KDM4C: variants seen among roughly 807,000 people sequenced by gnomAD.
The protein encoded by KDM4C is lysine-specific demethylase 4C.
Under a neutral mutation model 129.3 loss-of-function variants are expected in KDM4C, and 81 were observed. The observed-to-expected ratio is 0.63, with a 90% CI of 0.52 to 0.75. The LOEUF (loss-of-function observed/expected upper bound fraction) is 0.75, where lower values mean the gene tolerates loss of function less well. Among genes scored for constraint, KDM4C ranks in the 30% least tolerant of loss-of-function variants. KDM4C has a pLI of 0.00. For synonymous variants in KDM4C, 573 were observed against 456.1 expected (o/e 1.26, Z -3.26); for missense variants, 1,457 against 1,304.0 (o/e 1.12, Z -1.81).
chr9:7,008,978 T>A (rs1036170453), intron 12 of KDM4C, among the ~76,000 whole-genome samples: 2 of 152,118 alleles, frequency 1.3e-5, no homozygotes, highest in African/African-American at 4.8e-5. Context: ...GTCACAAGAA[T>A]CATGAATAAT....
At chr9:6,894,809 C>T (rs182578745) in intron 8 of KDM4C, among the ~76,000 whole-genome samples, 41 of 152,298 alleles carry the variant, frequency 2.7e-4, no homozygotes, top group Admixed American at 2.6e-3. Flanking sequence ...AAGTGTTGCA[C>T]TGTGGTGGAG....
At chr9:7,030,411 C>T (rs913978956) in intron 15 of KDM4C, among the ~76,000 whole-genome samples, 9 of 151,804 alleles carry the variant, frequency 5.9e-5, no homozygotes, top group Non-Finnish European at 2.9e-5. Context: ...TACTTTTGTC[C>T]AACCCATAGA....
intron 19 of KDM4C, among the ~76,000 whole-genome samples, chr9:7,151,416 G>A (rs1842715091): frequency 6.6e-6 from 1 of 152,068 alleles, no homozygotes; most frequent in African/African-American, 2.4e-5. Context: ...ACAAGGCCAG[G>A]CGTGCTGGCT....
chr9:6,761,340 T>C (rs914230226), intron 1 of KDM4C, among the ~76,000 whole-genome samples: 1 of 146,168 alleles, frequency 6.8e-6, no homozygotes, highest in Non-Finnish European at 1.5e-5. Flanking sequence ...CATCCTGTTC[T>C]TTTTTTTTTT....
intron 15 of KDM4C, among the ~76,000 whole-genome samples, chr9:7,020,693 G>GT (rs145210885): frequency 0.041 from 6,296 of 152,076 alleles, 164 homozygotes; most frequent in East Asian, 0.1. Flanking sequence ...TTGGTATGTT[G>GT]TAAGTGTATA....
chr9:7,047,155 C>T (rs1186272038), intron 16 of KDM4C, among the ~76,000 whole-genome samples: 4 of 151,934 alleles, frequency 2.6e-5, no homozygotes, highest in African/African-American at 9.7e-5. Context: ...TGAAAAATAA[C>T]CCCTCTTTTA....
At chr9:6,807,431 A>G (rs1441645200) in intron 3 of KDM4C, among the ~76,000 whole-genome samples, 2 of 134,406 alleles carry the variant, frequency 1.5e-5, no homozygotes, top group Non-Finnish European at 3.2e-5. Flanking sequence ...CCATCTAGGA[A>G]GTGAGGAGCG....
intron 1 of KDM4C, among the ~76,000 whole-genome samples, chr9:6,792,562 T>C (rs937309067): frequency 1.3e-5 from 2 of 151,936 alleles, no homozygotes; most frequent in Admixed American, 6.6e-5. Context: ...CTAAGTTTTG[T>C]ATTTTTAGTA....
At position 6,874,008 on chromosome 9, in the gene KDM4C, A is replaced by G. The variant is rs189423457; in HGVS notation, c.630-6004A>G. On this transcript the variant is annotated intron_variant, in intron 5 of 21. Coordinates refer to ENST00000381309, the MANE Select transcript of KDM4C (RefSeq NM_015061.6). The stretch of plus-strand genomic sequence containing the variant: ...CCGACGGAGCAGTCAGAACACACAC[A>G]TTTATTATGTTCACGCTCTTATGTG... Among the ~76,000 whole-genome samples the G allele has an allele frequency of 7.4e-4, 113 of 152,214 alleles. 2 individuals are homozygous for G. The East Asian group carries it at 0.015, about 21-fold the overall frequency.
intron 7 of KDM4C, among the ~76,000 whole-genome samples, chr9:6,892,091 T>C (rs1171465194): frequency 6.6e-6 from 1 of 152,190 alleles, no homozygotes. Flanking sequence ...GCTAAATACT[T>C]TGGCAATATG....
At chr9:7,063,584 T>G (rs79847755) in intron 17 of KDM4C, among the ~76,000 whole-genome samples, 7 of 152,366 alleles carry the variant, frequency 4.6e-5, no homozygotes, top group African/African-American at 1.7e-4. Context: ...ACTTGCTTTC[T>G]GGTCTTAACG....
chr9:6,832,032 A>G (rs1034744670), intron 4 of KDM4C, among the ~76,000 whole-genome samples: 1 of 152,178 alleles, frequency 6.6e-6, no homozygotes, highest in African/African-American at 2.4e-5. Context: ...ACTGTATTAT[A>G]TACAGTTTAA....
chr9:6,788,551 T>C (rs1825919919), intron 1 of KDM4C, among the ~76,000 whole-genome samples: 1 of 152,258 alleles, frequency 6.6e-6, no homozygotes, highest in African/African-American at 2.4e-5. Flanking sequence ...GACTACTGCT[T>C]TCCTTTTCCT....
In KDM4C at chr9:7,090,762, T is replaced by A. The variant is rs1587579148; in HGVS notation, c.2425-12923T>A. Among the ~76,000 whole-genome samples, 5 of 152,360 alleles carry A rather than the reference T, an allele frequency of 3.3e-5. No homozygotes were observed. The South Asian group carries it at 1.0e-3, about 32-fold the overall frequency. Reference sequence around the variant, plus strand: ...CTCAGCAGGTATAGTTTTCTAGGCATGTTTATCTTTGACTCACGTTGTAAG... The same window carrying A: ...CTCAGCAGGTATAGTTTTCTAGGCAAGTTTATCTTTGACTCACGTTGTAAG... On this transcript the variant is annotated intron_variant, in intron 17 of 21. Transcript: ENST00000381309.
rs1010321745 is a variant in KDM4C at position 6,986,534 on chromosome 9, A to T, written c.1545A>T (p.Ser515=). ...GGCCAAAGTCACCTGAGTCATGCTCATCAGTGGCAGAGAGTAATGGTGTGT... is the reference window on the plus strand; with the variant it reads ...GGCCAAAGTCACCTGAGTCATGCTCTTCAGTGGCAGAGAGTAATGGTGTGT... ...LSWPKSPESC[S]SVAESNGVLT... Residue 515 remains serine, a synonymous_variant, in exon 11 of 22, where the codon TCA becomes TCT. Coordinates refer to ENST00000381309, the MANE Select transcript of KDM4C (RefSeq NM_015061.6). 5 of 1,614,048 alleles carry T rather than the reference A, an allele frequency of 3.1e-6. No homozygotes were observed. Among genetic ancestry groups the T allele is most frequent in the Non-Finnish European group, 3.4e-6 (4 of 1,180,034 alleles).
At chr9:6,801,099 C>G (rs1005348137) in intron 2 of KDM4C, among the ~76,000 whole-genome samples, 1 of 152,044 alleles carries the variant, frequency 6.6e-6, no homozygotes, top group African/African-American at 2.4e-5. Context: ...TTACTCATCT[C>G]CTGACCCCAA....
intron 8 of KDM4C, among the ~76,000 whole-genome samples, chr9:6,972,377 C>A (rs914022907): frequency 3.9e-5 from 6 of 152,096 alleles, no homozygotes; most frequent in Admixed American, 2.6e-4. Flanking sequence ...TATATTTTCT[C>A]CCATAAAATC....
upstream of KDM4C, chr9:6,757,804 G>C (rs1229393479): frequency 1.0e-6 from 1 of 985,486 alleles, no homozygotes; most frequent in African/African-American, 1.7e-5. Context: ...ATATGCCTGT[G>C]TCCAAAGGAC....
chr9:6,921,423 C>T (rs897906329), intron 8 of KDM4C, among the ~76,000 whole-genome samples: 1 of 152,186 alleles, frequency 6.6e-6, no homozygotes, highest in Admixed American at 6.5e-5. Context: ...CTCTGTTTCT[C>T]CAGTTGCTCA....
Sources: allele counts gnomAD v4.1 joint callset (sites outside exome capture counted in the v4.1 genomes callset), GRCh38; gene constraint gnomAD v4.1.1; transcripts MANE v1.5; gene names NCBI Gene and HGNC (gene_info 2026-07-23, HGNC 2026-07-21).